The following CLSTN2 variants were observed in gnomAD, a reference collection of about 807,000 sequenced individuals.
CLSTN2 encodes the protein calsyntenin 2.
A neutral mutation model predicts 101.2 loss-of-function variants in CLSTN2; 48 were observed. The ratio of observed to expected loss-of-function variants is 0.47; its 90% CI spans 0.38 to 0.60. CLSTN2 has a LOEUF of 0.60. Ranked by LOEUF, CLSTN2 falls within the 20% of genes least tolerant of loss-of-function variation. The pLI is 0.00. For synonymous variants in CLSTN2, 481 were observed against 463.6 expected (o/e 1.04, Z -0.48); for missense variants, 1,160 against 1,238.2 (o/e 0.94, Z 0.95).
At chr3:140,240,192 A>C in intron 2 of CLSTN2, among the ~76,000 whole-genome samples, 1 of 8,646 alleles carries the variant, frequency 1.2e-4, no homozygotes, top group Non-Finnish European at 1.4e-3. Flanking sequence ...ATATATATAT[A>C]TATATATACA....
chr3:139,941,852 G>T (rs1181443156), intron 1 of CLSTN2, among the ~76,000 whole-genome samples: 1 of 152,218 alleles, frequency 6.6e-6, no homozygotes, highest in Non-Finnish European at 1.5e-5. Context: ...TTCATACTAT[G>T]TGCCAAGCAC....
At chr3:140,504,431 T>A (rs149828861) in intron 8 of CLSTN2, among the ~76,000 whole-genome samples, 4 of 152,032 alleles carry the variant, frequency 2.6e-5, no homozygotes, top group Non-Finnish European at 5.9e-5. Flanking sequence ...AGTAATGGTA[T>A]CAAATGCAGT....
intron 7 of CLSTN2, among the ~76,000 whole-genome samples, chr3:140,462,487 GC>G (rs1933586989): frequency 6.6e-6 from 1 of 152,196 alleles, no homozygotes; most frequent in Non-Finnish European, 1.5e-5. Context: ...AGGAAAGGAA[GC>G]TTTTGCTGTA....
chr3:140,041,526 A>C (rs1347261001), intron 1 of CLSTN2, among the ~76,000 whole-genome samples: 1 of 152,102 alleles, frequency 6.6e-6, no homozygotes, highest in East Asian at 1.9e-4. Context: ...GGAGGAGGAG[A>C]GATGCAGAGC....
intron 1 of CLSTN2, among the ~76,000 whole-genome samples, chr3:140,042,508 C>G (rs956135242): frequency 1.3e-5 from 2 of 152,082 alleles, no homozygotes; most frequent in African/African-American, 4.8e-5. Context: ...TGCTTAATGA[C>G]AGCTGTAGTT....
intron 1 of CLSTN2, among the ~76,000 whole-genome samples, chr3:140,142,343 G>A (rs2009714600): frequency 6.6e-6 from 1 of 152,176 alleles, no homozygotes; most frequent in Admixed American, 6.5e-5. Flanking sequence ...CACTCATAGA[G>A]GGACCCTTAC....
chr3:140,066,353 T>C (rs549138922), intron 1 of CLSTN2, among the ~76,000 whole-genome samples: 1 of 152,338 alleles, frequency 6.6e-6, no homozygotes, highest in East Asian at 1.9e-4. Flanking sequence ...ACTCTTTCTC[T>C]AATCTTTACC....
chr3:140,316,044 A>G (rs550428364), intron 2 of CLSTN2, among the ~76,000 whole-genome samples: 1 of 152,282 alleles, frequency 6.6e-6, no homozygotes, highest in South Asian at 2.1e-4. Context: ...GAGTTTTTAA[A>G]ATCATTCACT....
At chr3:140,114,212 C>T in intron 1 of CLSTN2, among the ~76,000 whole-genome samples, 1 of 152,190 alleles carries the variant, frequency 6.6e-6, no homozygotes, top group East Asian at 1.9e-4. Context: ...CCTTCCCACC[C>T]ACTTTCCAGC....
At chr3:140,480,807 C>T (rs374822954) in intron 8 of CLSTN2, among the ~76,000 whole-genome samples, 15 of 151,892 alleles carry the variant, frequency 9.9e-5, no homozygotes, top group East Asian at 1.9e-4. Flanking sequence ...GTTTTTTTCT[C>T]GTAAATTTGT....
intron 2 of CLSTN2, among the ~76,000 whole-genome samples, chr3:140,261,275 G>C (rs956280665): frequency 6.6e-6 from 1 of 151,960 alleles, no homozygotes; most frequent in African/African-American, 2.4e-5. Context: ...ATTTTTGCCA[G>C]TATTGATTCA....
chr3:140,255,331 C>T (rs769322353), intron 2 of CLSTN2, among the ~76,000 whole-genome samples: 12 of 152,136 alleles, frequency 7.9e-5, no homozygotes, highest in Non-Finnish European at 1.5e-4. Context: ...AATCATTCTA[C>T]CATAAAGACA....
At chr3:140,245,989 G>C (rs2086512392) in intron 2 of CLSTN2, among the ~76,000 whole-genome samples, 1 of 152,184 alleles carries the variant, frequency 6.6e-6, no homozygotes, top group Non-Finnish European at 1.5e-5. Flanking sequence ...GTACAGATAT[G>C]TGTGGATTTT....
At chr3:139,987,470 G>A (rs1465827121) in intron 1 of CLSTN2, among the ~76,000 whole-genome samples, 2 of 152,168 alleles carry the variant, frequency 1.3e-5, no homozygotes, top group Non-Finnish European at 2.9e-5. Flanking sequence ...TCAGTCCTCC[G>A]TCTTTCAGCC....
At chr3:140,014,362 G>A (rs151298226) in intron 1 of CLSTN2, among the ~76,000 whole-genome samples, 1 of 152,110 alleles carries the variant, frequency 6.6e-6, no homozygotes, top group East Asian at 1.9e-4. Context: ...GAGAGTACAG[G>A]TGCATGCTAC....
At chr3:140,110,698 A>C (rs566124152) in intron 1 of CLSTN2, among the ~76,000 whole-genome samples, 9 of 151,852 alleles carry the variant, frequency 5.9e-5, no homozygotes, top group Admixed American at 1.3e-4. Flanking sequence ...GATGCCTCAC[A>C]GGCACACAGG....
chr3:140,037,855 G>A (rs1047077479), intron 1 of CLSTN2, among the ~76,000 whole-genome samples: 1 of 152,070 alleles, frequency 6.6e-6, no homozygotes, highest in African/African-American at 2.4e-5. Context: ...ATCTATCCAT[G>A]TGCCTCCAAA....
intron 1 of CLSTN2, among the ~76,000 whole-genome samples, chr3:139,978,641 TGGGGGATTGTGTG>T (rs1454376556): frequency 2.4e-5 from 3 of 126,268 alleles, no homozygotes; most frequent in African/African-American, 6.3e-5. Context: ...GGATGGGGGA[TGGGGGATTGTGTG>T]TGTGTGTGTG....
At chr3:140,223,439 C>A (rs1432165563) in intron 2 of CLSTN2, among the ~76,000 whole-genome samples, 1 of 152,188 alleles carries the variant, frequency 6.6e-6, no homozygotes, top group Non-Finnish European at 1.5e-5. Flanking sequence ...GTTGCCAGCC[C>A]TTGGAGGGAG....
Sources: gnomAD v4.1 joint callset for allele counts (sites outside exome capture counted in the v4.1 genomes callset) on GRCh38, gnomAD v4.1.1 for gene constraint, MANE v1.5 for transcripts, NCBI Gene and HGNC (gene_info 2026-07-23, HGNC 2026-07-21) for gene names.